PACSIN2: variants seen among roughly 807,000 people sequenced by gnomAD.
PACSIN2 encodes the protein protein kinase C and casein kinase substrate in neurons protein 2.
Under a neutral mutation model 63.8 loss-of-function variants are expected in PACSIN2, and 25 were observed. That is an observed-to-expected ratio of 0.39 (90% CI 0.29 to 0.55). The LOEUF (loss-of-function observed/expected upper bound fraction) is 0.55, where lower values mean the gene tolerates loss of function less well. Ranked by LOEUF, PACSIN2 falls within the 20% of genes least tolerant of loss-of-function variation. The pLI, the probability that PACSIN2 is intolerant of heterozygous loss-of-function variation, is 0.62. For synonymous variants in PACSIN2, 255 were observed against 256.2 expected (o/e 1.00, Z 0.05); for missense variants, 518 against 646.9 (o/e 0.80, Z 2.16).
At chr22:42,986,588 T>A (rs1415136531) in intron 1 of PACSIN2, among the ~76,000 whole-genome samples, 1 of 151,876 alleles carries the variant, frequency 6.6e-6, no homozygotes, top group Non-Finnish European at 1.5e-5. Context: ...ACAGTGACAC[T>A]CTAATGGGGG....
chr22:43,014,321 TACACACACACACACACACAC>T (rs139728514), intron 1 of PACSIN2, among the ~76,000 whole-genome samples: 1 of 130,450 alleles, frequency 7.7e-6, no homozygotes, highest in Non-Finnish European at 1.7e-5. Context: ...CCCCCCGCCC[TACACACACACACACACACAC>T]ACACACACAC....
intron 1 of PACSIN2, among the ~76,000 whole-genome samples, chr22:42,919,772 CAAAAAAA>C (rs761464603): frequency 2.3e-4 from 11 of 48,792 alleles, no homozygotes; most frequent in South Asian, 8.3e-4. Context: ...GAACCTGTCT[CAAAAAAA>C]AAAAAAAAAA....
chr22:42,904,256 C>G (rs1321392863), intron 2 of PACSIN2, among the ~76,000 whole-genome samples: 3 of 152,230 alleles, frequency 2.0e-5, no homozygotes, highest in Non-Finnish European at 4.4e-5. Context: ...CCCCGCGACA[C>G]CCTACATGGC....
In PACSIN2 at chr22:42,879,086, G is replaced by A. The variant is rs1311744669; in HGVS notation, c.990C>T (p.Asn330=). The A allele has an allele frequency of 2.5e-6, 4 of 1,614,132 alleles. No homozygotes were observed. The highest frequency in any genetic ancestry group is 2.7e-5 in the African/African-American group (2 of 75,078). The part of the protein sequence containing the change: ...ATDGVTLTGI[N]QTGDQSLPSK... ...TCGGCAGAGACTGGTCGCCTGTCTGGTTGATGCCCGTCAGGGTGACGCCGT... is the reference window on the plus strand; with the variant it reads ...TCGGCAGAGACTGGTCGCCTGTCTGATTGATGCCCGTCAGGGTGACGCCGT... The change falls in exon 8 of 11, where the codon AAC becomes AAT. Residue 330 remains asparagine, a synonymous_variant. Coordinates refer to ENST00000263246, the MANE Select transcript of PACSIN2 (RefSeq NM_001184970.3).
At chr22:42,932,751 T>TAAA (rs552740061) in intron 1 of PACSIN2, among the ~76,000 whole-genome samples, 1 of 136,796 alleles carries the variant, frequency 7.3e-6, no homozygotes, top group African/African-American at 2.7e-5. Context: ...AAGTCAATTC[T>TAAA]AAAAAAAAAA....
At chr22:42,953,440 C>T (rs1350768080) in intron 1 of PACSIN2, among the ~76,000 whole-genome samples, 3 of 152,086 alleles carry the variant, frequency 2.0e-5, no homozygotes, top group Non-Finnish European at 4.4e-5. Context: ...CATTGAAGGG[C>T]CTAGCCACTG....
At chr22:43,010,860 T>C (rs1441411121) in intron 1 of PACSIN2, among the ~76,000 whole-genome samples, 1 of 152,232 alleles carries the variant, frequency 6.6e-6, no homozygotes, top group Non-Finnish European at 1.5e-5. Context: ...AATAGGTAAC[T>C]TAAGGAAAGG....
chr22:42,884,796 G>A (rs767733572), intron 5 of PACSIN2, among the ~76,000 whole-genome samples: 1 of 152,206 alleles, frequency 6.6e-6, no homozygotes, highest in Non-Finnish European at 1.5e-5. Flanking sequence ...GGTAGATGCC[G>A]GCAAAGGGCA....
At chr22:42,884,631 G>T in intron 5 of PACSIN2, 70 bp from the exon 6 acceptor site, 1 of 1,302,892 alleles carries the variant, frequency 7.7e-7, no homozygotes, top group Non-Finnish European at 1.1e-6. Context: ...TGCCCCTGGA[G>T]TGTCTCAGGC....
At chr22:42,891,589 A>T (rs1985225513) in intron 3 of PACSIN2, among the ~76,000 whole-genome samples, 1 of 152,046 alleles carries the variant, frequency 6.6e-6, no homozygotes, top group Non-Finnish European at 1.5e-5. Context: ...TTTAGTAGAG[A>T]CGGGGTTTCA....
chr22:42,997,023 G>A (rs1480719869), intron 1 of PACSIN2, among the ~76,000 whole-genome samples: 1 of 152,222 alleles, frequency 6.6e-6, no homozygotes, highest in Non-Finnish European at 1.5e-5. Flanking sequence ...TCAGGGAAGT[G>A]AAGGCTAGAA....
Position 42,870,483 on chromosome 22 carries a change from TAGAC to T in PACSIN2, c.*870_*873del, listed in dbSNP as rs1928018313. On this transcript the variant is annotated 3_prime_UTR_variant, in exon 11 of 11. Transcript: ENST00000263246. ...CTGAATATCAAATAATATATACAGATAGACACTGAGACATGACAGTCTAATCTAA... is the reference window on the plus strand; with the variant it reads ...CTGAATATCAAATAATATATACAGATACTGAGACATGACAGTCTAATCTAA... The T allele has an allele frequency of 6.6e-6, 1 of 152,218 alleles. No homozygotes were observed. Among genetic ancestry groups the T allele is most frequent in the South Asian group, 2.1e-4 (1 of 4,836 alleles). 9.4% of individuals were successfully genotyped at this position (152,218 alleles called of 1,614,324 possible). A position where few individuals can be genotyped will look rare whatever the true frequency, so the allele number is the denominator to read the frequency against.
intron 1 of PACSIN2, among the ~76,000 whole-genome samples, chr22:42,944,277 A>G (rs1050843221): frequency 1.3e-5 from 2 of 152,228 alleles, no homozygotes; most frequent in African/African-American, 4.8e-5. Context: ...TGTTAGGCTA[A>G]GTCTCTGAGA....
At chr22:42,960,590 G>A (rs994341806) in intron 1 of PACSIN2, among the ~76,000 whole-genome samples, 1 of 152,214 alleles carries the variant, frequency 6.6e-6, no homozygotes, top group Non-Finnish European at 1.5e-5. Context: ...TAGGTGAGGA[G>A]AGAAAGATTT....
At chr22:42,985,875 C>T (rs1433600088) in intron 1 of PACSIN2, among the ~76,000 whole-genome samples, 1 of 152,116 alleles carries the variant, frequency 6.6e-6, no homozygotes, top group African/African-American at 2.4e-5. Context: ...TCTCCACCCT[C>T]CCATGCCCAC....
At chr22:42,913,466 C>T (rs1008305490) in intron 1 of PACSIN2, among the ~76,000 whole-genome samples, 3 of 117,366 alleles carry the variant, frequency 2.6e-5, no homozygotes, top group African/African-American at 1.1e-4. Flanking sequence ...GCAACAAGAG[C>T]GAAACTCCGT....
chr22:42,884,284 T>G, intron 6 of PACSIN2, 102 bp downstream of exon 6: 1 of 1,083,894 alleles, frequency 9.2e-7, no homozygotes, highest in Non-Finnish European at 1.4e-6. Context: ...GACCTCCTGA[T>G]GAACGCGCCA....
chr22:42,955,150 T>C (rs1286541074), intron 1 of PACSIN2, among the ~76,000 whole-genome samples: 2 of 152,036 alleles, frequency 1.3e-5, no homozygotes, highest in African/African-American at 4.8e-5. Flanking sequence ...TGCTTAGAAG[T>C]CTCTTTACCT....
intron 1 of PACSIN2, among the ~76,000 whole-genome samples, chr22:42,983,508 A>AC (rs61272244): frequency 2.0e-5 from 3 of 151,408 alleles, no homozygotes; most frequent in Non-Finnish European, 4.4e-5. Context: ...AAAAAAAAAA[A>AC]CAGATATTGA....
Sources: gnomAD v4.1 joint callset for allele counts (sites outside exome capture counted in the v4.1 genomes callset) on GRCh38, gnomAD v4.1.1 for gene constraint, MANE v1.5 for transcripts, NCBI Gene and HGNC (gene_info 2026-07-23, HGNC 2026-07-21) for gene names.